PIP5K1B: variants seen among roughly 807,000 people sequenced by gnomAD.
The protein encoded by PIP5K1B is phosphatidylinositol 4-phosphate 5-kinase type-1 beta.
In PIP5K1B, 42 loss-of-function variants were observed where a neutral mutation model predicts 67.0. The observed-to-expected ratio is 0.63, with a 90% CI of 0.49 to 0.81. The LOEUF is 0.81. Among genes scored for constraint, PIP5K1B ranks in the 30% least tolerant of loss-of-function variants. The pLI is 0.00. For missense variants in PIP5K1B, 459 were observed against 646.3 expected (o/e 0.71, Z 3.14); for synonymous variants, 214 against 231.4 (o/e 0.92, Z 0.68).
intron 14 of PIP5K1B, among the ~76,000 whole-genome samples, chr9:68,988,722 A>T (rs1299883118): frequency 6.6e-6 from 1 of 151,980 alleles, no homozygotes; most frequent in African/African-American, 2.4e-5. Flanking sequence ...AAGTGCTGGG[A>T]TTATAGGCGT....
intron 14 of PIP5K1B, among the ~76,000 whole-genome samples, chr9:68,946,517 C>T (rs962705619): frequency 6.6e-6 from 1 of 152,020 alleles, no homozygotes; most frequent in Admixed American, 6.6e-5. Flanking sequence ...CTCAGCCTCC[C>T]GAGTAGCTGG....
intron 2 of PIP5K1B, among the ~76,000 whole-genome samples, chr9:68,763,997 T>C (rs1236389389): frequency 6.6e-6 from 1 of 151,510 alleles, no homozygotes; most frequent in Non-Finnish European, 1.5e-5. Flanking sequence ...TCTCTGGAAA[T>C]GCTGGTTACA....
Position 68,972,052 on chromosome 9 carries a change from G to A in PIP5K1B, c.1503-19088G>A, listed in dbSNP as rs780149325. ...TTGCTTTTGGTGTTTTAGTCATTAA[G>A]TCTTTGCCCATGTCTATGTCCTGAA... On this transcript the variant is annotated intron_variant, in intron 14 of 15. Transcript: ENST00000265382. Among the ~76,000 whole-genome samples the A allele has an allele frequency of 6.4e-4, 98 of 152,134 alleles. 1 individual carries two copies. Among genetic ancestry groups the A allele is most frequent in the Non-Finnish European group, 1.3e-3 (86 of 68,004 alleles).
intron 2 of PIP5K1B, chr9:68,788,426 C>G: frequency 1.8e-6 from 1 of 556,018 alleles, no homozygotes. Flanking sequence ...GCTGCTGCAT[C>G]TTAACTACAA....
At chr9:68,985,239 C>T (rs1830050442) in intron 14 of PIP5K1B, among the ~76,000 whole-genome samples, 1 of 151,764 alleles carries the variant, frequency 6.6e-6, no homozygotes, top group South Asian at 2.1e-4. Flanking sequence ...ATAATTCAAA[C>T]TAAAATCTCT....
intron 1 of PIP5K1B, among the ~76,000 whole-genome samples, chr9:68,739,280 A>G (rs1828887651): frequency 6.6e-6 from 1 of 152,180 alleles, no homozygotes; most frequent in African/African-American, 2.4e-5. Flanking sequence ...CAGTCCTCAA[A>G]TATCATCAAC....
intron 12 of PIP5K1B, among the ~76,000 whole-genome samples, chr9:68,927,062 A>G (rs1301478563): frequency 6.6e-6 from 1 of 152,216 alleles, no homozygotes; most frequent in Non-Finnish European, 1.5e-5. Flanking sequence ...TTTGCACTTA[A>G]CAGAATATTT....
At chr9:68,857,844 G>T (rs1822859270) in intron 4 of PIP5K1B, among the ~76,000 whole-genome samples, 1 of 152,176 alleles carries the variant, frequency 6.6e-6, no homozygotes. Context: ...TCCAGCATAT[G>T]TTGTAGAACC....
At chr9:68,983,415 G>T (rs1003230242) in intron 14 of PIP5K1B, among the ~76,000 whole-genome samples, 5 of 152,074 alleles carry the variant, frequency 3.3e-5, no homozygotes, top group Admixed American at 3.3e-4. Flanking sequence ...TTGCTGTTTG[G>T]AGTTGGCTTC....
At chr9:68,820,958 TATATC>T (rs1388480138) in intron 3 of PIP5K1B, among the ~76,000 whole-genome samples, 1 of 152,192 alleles carries the variant, frequency 6.6e-6, no homozygotes, top group African/African-American at 2.4e-5. Context: ...TAAACTTCTC[TATATC>T]ATAATTATGA....
At chr9:68,822,942 C>A (rs551878125) in intron 4 of PIP5K1B, among the ~76,000 whole-genome samples, 13 of 152,270 alleles carry the variant, frequency 8.5e-5, no homozygotes, top group African/African-American at 3.1e-4. Context: ...TTCCTGGACA[C>A]TCCAGGGGAG....
At chr9:68,972,294 T>G (rs990911834) in intron 14 of PIP5K1B, among the ~76,000 whole-genome samples, 3 of 152,178 alleles carry the variant, frequency 2.0e-5, no homozygotes, top group African/African-American at 7.2e-5. Flanking sequence ...ATCAGATGGT[T>G]GTAGATGTGT....
At chr9:68,921,363 A>G (rs973867889) in intron 11 of PIP5K1B, among the ~76,000 whole-genome samples, 3 of 152,152 alleles carry the variant, frequency 2.0e-5, no homozygotes, top group Non-Finnish European at 4.4e-5. Context: ...AATTCCTCCT[A>G]TGAAAGAAGG....
intron 2 of PIP5K1B, among the ~76,000 whole-genome samples, chr9:68,755,112 TTTATG>T (rs1372401222): frequency 1.3e-5 from 2 of 152,214 alleles, no homozygotes; most frequent in African/African-American, 4.8e-5. Flanking sequence ...AGATCAAACA[TTTATG>T]TAATGTAAAG....
chr9:68,992,126 T>C (rs4745473), intron 15 of PIP5K1B, among the ~76,000 whole-genome samples: 45,220 of 151,764 alleles, frequency 0.3, 7,467 homozygotes, highest in Non-Finnish European at 0.37. Flanking sequence ...CCACCACGCC[T>C]GGCTAATTTT....
chr9:68,807,804 G>A (rs1364009113), intron 2 of PIP5K1B, among the ~76,000 whole-genome samples: 1 of 152,204 alleles, frequency 6.6e-6, no homozygotes, highest in Non-Finnish European at 1.5e-5. Flanking sequence ...GAAATAAAAT[G>A]TGGACAAAAA....
In PIP5K1B at chr9:68,813,293, A is replaced by T. The variant is rs79881103; in HGVS notation, c.-85-5168A>T. Among the ~76,000 whole-genome samples, 318 of 152,364 alleles carry T rather than the reference A, an allele frequency of 2.1e-3. 13 individuals are homozygous for T. In the East Asian group the frequency reaches 0.059, roughly 28 times the overall value. ...AAAACTTATGGTCAAGTCTAAATAA[A>T]TGATCATAATGTGACTACGAAGTCC... On this transcript the variant is annotated intron_variant, in intron 2 of 15. Coordinates refer to ENST00000265382, the MANE Select transcript of PIP5K1B (RefSeq NM_003558.4).
At position 69,007,726 on chromosome 9, in the gene PIP5K1B, A is replaced by T. The variant is rs182936260; in HGVS notation, c.1621-721A>T. Among the ~76,000 whole-genome samples the T allele has an allele frequency of 6.7e-3, 1,014 of 152,252 alleles. 1 individual carries two copies. Among genetic ancestry groups the T allele is most frequent in the Non-Finnish European group, 0.012 (806 of 68,002 alleles). Reference sequence around the variant, plus strand: ...CAAAAAATTAGCCAGGCGTGATGGCAGGCAGCTGTAGTCCCAGCTACTCGG... The same window carrying T: ...CAAAAAATTAGCCAGGCGTGATGGCTGGCAGCTGTAGTCCCAGCTACTCGG... On this transcript the variant is annotated intron_variant, in intron 15 of 15. Transcript: ENST00000265382.
intron 4 of PIP5K1B, among the ~76,000 whole-genome samples, chr9:68,830,305 T>C (rs375829976): frequency 1.3e-5 from 2 of 152,242 alleles, no homozygotes; most frequent in South Asian, 4.2e-4. Flanking sequence ...CTCCAAACAC[T>C]TGTGCTTCTG....
Sources: gnomAD v4.1 joint callset for allele counts (sites outside exome capture counted in the v4.1 genomes callset) on GRCh38, gnomAD v4.1.1 for gene constraint, MANE v1.5 for transcripts, NCBI Gene and HGNC (gene_info 2026-07-23, HGNC 2026-07-21) for gene names.